RGS7: variants seen among roughly 807,000 people sequenced by gnomAD.
The protein encoded by RGS7 is regulator of G protein signaling 7.
Under a neutral mutation model 81.1 loss-of-function variants are expected in RGS7, and 27 were observed. The ratio of observed to expected loss-of-function variants is 0.33; its 90% CI spans 0.25 to 0.46. The LOEUF (loss-of-function observed/expected upper bound fraction) is 0.46, where lower values mean the gene tolerates loss of function less well. Among genes scored for constraint, RGS7 ranks in the 20% least tolerant of loss-of-function variants. RGS7 has a pLI of 1.00. For missense variants in RGS7, 396 were observed against 607.4 expected, an observed-to-expected ratio of 0.65 and a Z score of 3.66; for synonymous variants, 208 against 207.7, an observed-to-expected ratio of 1.00 and a Z score of -0.01.
intron 6 of RGS7, among the ~76,000 whole-genome samples, chr1:240,878,489 C>CTTTTTTTTTTTTTTTTTTTTTT (rs57896753): frequency 1.5e-4 from 18 of 117,570 alleles, no homozygotes; most frequent in South Asian, 2.7e-4. Context: ...TTTTTTCTTT[C>CTTTTTTTTTTTTTTTTTTTTTT]TTTTTTTTTT....
At chr1:240,852,033 A>T (rs2995376) in intron 9 of RGS7, among the ~76,000 whole-genome samples, 116,094 of 152,138 alleles carry the variant, frequency 0.76, 44,448 homozygotes, top group Middle Eastern at 0.87. Flanking sequence ...GTTTGAAAGG[A>T]TGTATTCCAA....
intron 10 of RGS7, among the ~76,000 whole-genome samples, chr1:240,823,609 G>A (rs1692227516): frequency 6.6e-6 from 1 of 152,200 alleles, no homozygotes; most frequent in African/African-American, 2.4e-5. Context: ...GACACGCCGC[G>A]GTGGGTCCCT....
At chr1:240,990,378 T>C (rs1363200559) in intron 3 of RGS7, among the ~76,000 whole-genome samples, 1 of 152,234 alleles carries the variant, frequency 6.6e-6, no homozygotes, top group African/African-American at 2.4e-5. Flanking sequence ...TCTGCCTTGC[T>C]ATGAATATAA....
intron 3 of RGS7, among the ~76,000 whole-genome samples, chr1:240,989,413 C>T (rs1368788409): frequency 2.6e-5 from 4 of 151,118 alleles, no homozygotes; most frequent in African/African-American, 9.7e-5. Flanking sequence ...TCCAGCCTGG[C>T]GACAGAGTGA....
At position 240,923,746 on chromosome 1, in the gene RGS7, G is replaced by A. The variant is rs117140583; in HGVS notation, c.385+6971C>T. On this transcript the variant is annotated intron_variant, in intron 6 of 18. Coordinates refer to ENST00000440928, the MANE Select transcript of RGS7 (RefSeq NM_001364886.1). The stretch of plus-strand genomic sequence containing the variant: ...AAAAACACACACAATTTGTCTTAAC[G>A]GAATGGATATATTTGAAAGCACTGC... Among the ~76,000 whole-genome samples, 535 of 150,652 alleles carry A rather than the reference G, an allele frequency of 3.6e-3. 12 individuals are homozygous for A. Among genetic ancestry groups the A allele is most frequent in the Admixed American group, 0.026 (388 of 15,114 alleles).
chr1:241,346,148 G>T (rs2082882593), intron 2 of RGS7, among the ~76,000 whole-genome samples: 2 of 14,852 alleles, frequency 1.3e-4, no homozygotes, highest in Non-Finnish European at 2.4e-3. Context: ...AATAAAATTT[G>T]ATAAAAAAAA....
chr1:241,026,154 T>A (rs1030365557), intron 3 of RGS7, among the ~76,000 whole-genome samples: 1 of 152,274 alleles, frequency 6.6e-6, no homozygotes, highest in African/African-American at 2.4e-5. Flanking sequence ...GGTCAGCAAC[T>A]ACACATTTTT....
At chr1:241,135,283 C>T (rs776576717) in intron 2 of RGS7, among the ~76,000 whole-genome samples, 3 of 152,006 alleles carry the variant, frequency 2.0e-5, no homozygotes, top group East Asian at 1.9e-4. Flanking sequence ...AATAATTAGC[C>T]GGATGTAGTG....
intron 3 of RGS7, among the ~76,000 whole-genome samples, chr1:241,053,684 C>A (rs1319959413): frequency 6.6e-6 from 1 of 152,094 alleles, no homozygotes; most frequent in Non-Finnish European, 1.5e-5. Flanking sequence ...GTGTCCCCAC[C>A]CAAATCTCAT....
At chr1:240,902,280 T>C (rs1157847104) in intron 6 of RGS7, among the ~76,000 whole-genome samples, 2 of 152,234 alleles carry the variant, frequency 1.3e-5, no homozygotes, top group African/African-American at 2.4e-5. Flanking sequence ...ATTACAACTA[T>C]TTAGACATAT....
intron 2 of RGS7, among the ~76,000 whole-genome samples, chr1:241,309,351 ACT>A (rs1484546615): frequency 7.3e-6 from 1 of 136,338 alleles, no homozygotes; most frequent in African/African-American, 2.8e-5. Flanking sequence ...ACACCATTGC[ACT>A]CCAGCCTGGG....
At chr1:241,293,644 GA>G (rs1482708068) in intron 2 of RGS7, among the ~76,000 whole-genome samples, 1 of 152,026 alleles carries the variant, frequency 6.6e-6, no homozygotes, top group Non-Finnish European at 1.5e-5. Context: ...ATATAAAAAA[GA>G]AAATATTTTT....
chr1:241,197,715 A>G (rs1342005450), intron 2 of RGS7, among the ~76,000 whole-genome samples: 1 of 151,846 alleles, frequency 6.6e-6, no homozygotes, highest in Non-Finnish European at 1.5e-5. Flanking sequence ...AAGGTAAATT[A>G]TTAGAAGTAA....
intron 2 of RGS7, among the ~76,000 whole-genome samples, chr1:241,352,410 A>G (rs1391385157): frequency 6.6e-6 from 1 of 152,254 alleles, no homozygotes; most frequent in Non-Finnish European, 1.5e-5. Context: ...TCAAGTACAT[A>G]AAACACCACA....
At chr1:240,970,455 C>T (rs1466680329) in intron 4 of RGS7, among the ~76,000 whole-genome samples, 4 of 152,124 alleles carry the variant, frequency 2.6e-5, no homozygotes, top group Admixed American at 1.3e-4. Context: ...TAAATGCAAA[C>T]GCAACACCAA....
chr1:241,106,203 T>C (rs1558726453), intron 2 of RGS7, among the ~76,000 whole-genome samples: 1 of 152,250 alleles, frequency 6.6e-6, no homozygotes, highest in Admixed American at 6.5e-5. Context: ...CAAACTGTTT[T>C]CTGCTGTAAT....
chr1:240,788,552 C>T (rs1422611313), intron 18 of RGS7, among the ~76,000 whole-genome samples: 3 of 152,174 alleles, frequency 2.0e-5, no homozygotes, highest in African/African-American at 4.8e-5. Flanking sequence ...AAATGACTTA[C>T]GTAGACTTTC....
At chr1:241,289,470 G>C (rs2078984176) in intron 2 of RGS7, among the ~76,000 whole-genome samples, 1 of 152,162 alleles carries the variant, frequency 6.6e-6, no homozygotes, top group Non-Finnish European at 1.5e-5. Context: ...ACATTTTATA[G>C]TAACAGCTGA....
intron 3 of RGS7, among the ~76,000 whole-genome samples, chr1:241,011,329 G>A (rs913481816): frequency 1.5e-4 from 23 of 152,112 alleles, no homozygotes; most frequent in African/African-American, 4.6e-4. Flanking sequence ...GGGAGGAAAC[G>A]GCCTCATAGA....
Sources: gnomAD v4.1 joint callset for allele counts (sites outside exome capture counted in the v4.1 genomes callset) on GRCh38, gnomAD v4.1.1 for gene constraint, MANE v1.5 for transcripts, NCBI Gene and HGNC (gene_info 2026-07-23, HGNC 2026-07-21) for gene names.